KCNH7: variants seen among roughly 807,000 people sequenced by gnomAD.
KCNH7 encodes the protein voltage-gated inwardly rectifying potassium channel KCNH7.
KCNH7 carries 49 observed loss-of-function variants against 120.8 expected under a neutral mutation model. The ratio of observed to expected loss-of-function variants is 0.41; its 90% CI spans 0.32 to 0.51. The LOEUF is 0.51. Ranked by LOEUF, KCNH7 falls within the 20% of genes least tolerant of loss-of-function variation. KCNH7 has a pLI of 0.38. For missense variants in KCNH7, 1,097 were observed against 1,446.6 expected, an observed-to-expected ratio of 0.76 and a Z score of 3.92; for synonymous variants, 547 against 516.1, an observed-to-expected ratio of 1.06 and a Z score of -0.81.
intron 2 of KCNH7, among the ~76,000 whole-genome samples, chr2:162,685,717 A>G (rs1483849443): frequency 6.7e-6 from 1 of 150,368 alleles, no homozygotes; most frequent in Non-Finnish European, 1.5e-5. Context: ...ATGTATTAGA[A>G]AAAAAAAAAG....
intron 2 of KCNH7, among the ~76,000 whole-genome samples, chr2:162,631,044 C>T (rs1156656187): frequency 6.6e-6 from 1 of 152,072 alleles, no homozygotes; most frequent in Non-Finnish European, 1.5e-5. Flanking sequence ...AGGTTAGTGT[C>T]AACTGCAGCT....
chr2:162,574,670 T>A (rs1693608943), intron 2 of KCNH7, among the ~76,000 whole-genome samples: 1 of 151,822 alleles, frequency 6.6e-6, no homozygotes, highest in Admixed American at 6.6e-5. Flanking sequence ...TCCCTTGGAG[T>A]TTGGAATAAA....
Position 162,378,995 on chromosome 2 carries a change from C to T in KCNH7, c.3131+858G>A, listed in dbSNP as rs910292175. The stretch of plus-strand genomic sequence containing the variant: ...TGTGTAAGTCAGAATTGGGGTAGTG[C>T]AATCCTTTTACCATGCTTGTGCGTG... On this transcript the variant is annotated intron_variant, in intron 14 of 15. Coordinates refer to ENST00000332142, the MANE Select transcript of KCNH7 (RefSeq NM_033272.4). Among the ~76,000 whole-genome samples the T allele has an allele frequency of 2.4e-4, 36 of 152,168 alleles. 1 individual carries two copies. The highest frequency in any genetic ancestry group is 7.7e-4 in the African/African-American group (32 of 41,450).
At chr2:162,831,589 CT>C (rs1685480477) in intron 2 of KCNH7, among the ~76,000 whole-genome samples, 1 of 152,156 alleles carries the variant, frequency 6.6e-6, no homozygotes, top group Non-Finnish European at 1.5e-5. Context: ...TGTGGCTCAA[CT>C]AACCGGGTAC....
chr2:162,527,037 C>G (rs998864709), intron 3 of KCNH7, among the ~76,000 whole-genome samples: 1 of 151,962 alleles, frequency 6.6e-6, no homozygotes, highest in African/African-American at 2.4e-5. Context: ...TCCCTCCGTT[C>G]GGGGTCCCTG....
chr2:162,504,065 C>A (rs143188377), intron 6 of KCNH7, among the ~76,000 whole-genome samples: 3 of 152,110 alleles, frequency 2.0e-5, no homozygotes, highest in East Asian at 1.9e-4. Flanking sequence ...CAGTTCAGAG[C>A]AAATGCTAAT....
intron 3 of KCNH7, among the ~76,000 whole-genome samples, chr2:162,526,315 C>T (rs532945065): frequency 1.8e-4 from 28 of 151,942 alleles, no homozygotes; most frequent in East Asian, 1.8e-3. Context: ...AGTGAAGTTT[C>T]GGGCACTCAT....
At chr2:162,635,817 C>T (rs1559056119) in intron 2 of KCNH7, among the ~76,000 whole-genome samples, 1 of 151,904 alleles carries the variant, frequency 6.6e-6, no homozygotes, top group Non-Finnish European at 1.5e-5. Flanking sequence ...TGCTGAAAAC[C>T]CTGTTGTTTT....
At chr2:162,705,844 CA>C (rs1686680409) in intron 2 of KCNH7, among the ~76,000 whole-genome samples, 1 of 151,804 alleles carries the variant, frequency 6.6e-6, no homozygotes, top group African/African-American at 2.4e-5. Flanking sequence ...TGGAAAAGAC[CA>C]AAAAAATGAC....
At chr2:162,631,713 C>T (rs189465965) in intron 2 of KCNH7, among the ~76,000 whole-genome samples, 2 of 152,010 alleles carry the variant, frequency 1.3e-5, no homozygotes, top group African/African-American at 4.8e-5. Context: ...TGAGAAACAA[C>T]ACCAGATGAT....
intron 2 of KCNH7, among the ~76,000 whole-genome samples, chr2:162,709,611 C>T (rs1005506045): frequency 2.0e-5 from 3 of 151,818 alleles, no homozygotes; most frequent in African/African-American, 7.3e-5. Flanking sequence ...ACATTCTGTC[C>T]CTCTCTTCTT....
chr2:162,572,199 A>G (rs1244763307), intron 2 of KCNH7, among the ~76,000 whole-genome samples: 2 of 152,116 alleles, frequency 1.3e-5, no homozygotes, highest in Non-Finnish European at 2.9e-5. Flanking sequence ...CAAATTTACA[A>G]GAAAAAAATA....
At chr2:162,671,327 T>C (rs1451852620) in intron 2 of KCNH7, among the ~76,000 whole-genome samples, 4 of 151,788 alleles carry the variant, frequency 2.6e-5, no homozygotes, top group Non-Finnish European at 5.9e-5. Flanking sequence ...AATGGATAAT[T>C]GGATGAAAAA....
chr2:162,502,535 C>T (rs530826894), intron 6 of KCNH7, among the ~76,000 whole-genome samples: 17 of 152,104 alleles, frequency 1.1e-4, no homozygotes, highest in Admixed American at 7.9e-4. Context: ...AACACAATCC[C>T]GTTTGACTCT....
At chr2:162,481,359 G>C (rs1282682141) in intron 6 of KCNH7, among the ~76,000 whole-genome samples, 4 of 152,114 alleles carry the variant, frequency 2.6e-5, no homozygotes, top group African/African-American at 2.4e-5. Context: ...TTACAAATTA[G>C]GAATCCAAGA....
At chr2:162,498,113 C>A (rs1172311851) in intron 6 of KCNH7, among the ~76,000 whole-genome samples, 1 of 152,002 alleles carries the variant, frequency 6.6e-6, no homozygotes, top group Non-Finnish European at 1.5e-5. Flanking sequence ...TCTTCTGTTC[C>A]ACAGATTAAT....
At chr2:162,751,972 T>C (rs1430470173) in intron 2 of KCNH7, among the ~76,000 whole-genome samples, 1 of 152,098 alleles carries the variant, frequency 6.6e-6, no homozygotes, top group South Asian at 2.1e-4. Flanking sequence ...CTAGTGATTT[T>C]CAAGAAAAAA....
At chr2:162,529,942 G>A (rs778704627) in intron 3 of KCNH7, among the ~76,000 whole-genome samples, 1 of 151,824 alleles carries the variant, frequency 6.6e-6, no homozygotes, top group Non-Finnish European at 1.5e-5. Flanking sequence ...ATCAAAATTT[G>A]ATAGTAAGAT....
intron 2 of KCNH7, among the ~76,000 whole-genome samples, chr2:162,775,997 A>G (rs1045087586): frequency 1.3e-5 from 2 of 152,206 alleles, no homozygotes; most frequent in Non-Finnish European, 1.5e-5. Context: ...GAGTGAATAC[A>G]TGGACTGTGC....
Sources: gnomAD v4.1 joint callset for allele counts (sites outside exome capture counted in the v4.1 genomes callset) on GRCh38, gnomAD v4.1.1 for gene constraint, MANE v1.5 for transcripts, NCBI Gene and HGNC (gene_info 2026-07-23, HGNC 2026-07-21) for gene names.